SPNS2: variants seen among roughly 807,000 people sequenced by gnomAD.
SPNS2 encodes SPNS lysolipid transporter 2, sphingosine-1-phosphate.
SPNS2 carries 37 observed loss-of-function variants against 57.6 expected under a neutral mutation model. The observed-to-expected ratio is 0.64, with a 90% CI of 0.49 to 0.85. The LOEUF is 0.85. Ranked by LOEUF, SPNS2 falls within the 40% of genes least tolerant of loss-of-function variation. SPNS2 has a pLI of 0.00. For synonymous variants in SPNS2, 440 were observed against 346.9 expected (o/e 1.27, Z -2.98); for missense variants, 831 against 779.1 (o/e 1.07, Z -0.79).
chr17:4,530,851 C>T (rs1041446875), intron 4 of SPNS2, 68 bp downstream of exon 4: 42 of 1,566,022 alleles, frequency 2.7e-5, no homozygotes, highest in Middle Eastern at 3.4e-4. Context: ...TCTGAGTTCT[C>T]CCACTCCCTG....
At chr17:4,521,231 G>A (rs1255622030) in intron 2 of SPNS2, among the ~76,000 whole-genome samples, 1 of 152,132 alleles carries the variant, frequency 6.6e-6, no homozygotes, top group Non-Finnish European at 1.5e-5. Context: ...CTGTCCACTT[G>A]CCACCTAGCA....
intron 8 of SPNS2, 88 bp from the exon 9 acceptor site, chr17:4,533,700 C>A: frequency 6.8e-7 from 1 of 1,479,868 alleles, no homozygotes; most frequent in Non-Finnish European, 9.4e-7. Flanking sequence ...TGTGGGCTCC[C>A]TGCCAGCAGC....
chr17:4,517,466 T>C (rs969575628), intron 2 of SPNS2, among the ~76,000 whole-genome samples: 12 of 152,194 alleles, frequency 7.9e-5, no homozygotes, highest in African/African-American at 2.9e-4. Context: ...GAGACCAGCC[T>C]GAACCAACAT....
At chr17:4,535,314 C>T (rs1444932631) in intron 9 of SPNS2, among the ~76,000 whole-genome samples, 1 of 152,196 alleles carries the variant, frequency 6.6e-6, no homozygotes, top group Non-Finnish European at 1.5e-5. Flanking sequence ...CGAGCGGAGG[C>T]TCTTGCAGGC....
At chr17:4,516,658 T>TA (rs1905004884) in intron 2 of SPNS2, among the ~76,000 whole-genome samples, 1 of 152,214 alleles carries the variant, frequency 6.6e-6, no homozygotes, top group African/African-American at 2.4e-5. Flanking sequence ...AAGGATGAGT[T>TA]AGAGTTTGTA....
chr17:4,505,152 C>A (rs1282726358), intron 1 of SPNS2, among the ~76,000 whole-genome samples: 1 of 152,176 alleles, frequency 6.6e-6, no homozygotes, highest in East Asian at 1.9e-4. Context: ...AGCACCTATC[C>A]CCATGGAGAG....
chr17:4,516,353 C>T (rs80175058), intron 2 of SPNS2, among the ~76,000 whole-genome samples: 8 of 134,262 alleles, frequency 6.0e-5, no homozygotes, highest in South Asian at 2.7e-4. Flanking sequence ...ACAAAAAAAC[C>T]GCTCATAGGT....
intron 1 of SPNS2, among the ~76,000 whole-genome samples, chr17:4,505,921 TGGGG>T (rs1904664662): frequency 6.6e-6 from 1 of 152,184 alleles, no homozygotes; most frequent in African/African-American, 2.4e-5. Context: ...CTGTCAGGCA[TGGGG>T]TTCCTGAATG....
At position 4,536,436 on chromosome 17, in the gene SPNS2, G is replaced by GT. The variant is rs148088156; in HGVS notation, c.1607+10_1607+11insT. 6.3e-7 allele frequency: 1 copy of GT among 1,595,862 alleles called. No homozygotes were observed. The highest frequency in any genetic ancestry group is 1.3e-5 in the African/African-American group (1 of 74,602). On this transcript the variant is annotated intron_variant, in intron 11 of 12. Coordinates refer to ENST00000329078, the MANE Select transcript of SPNS2 (RefSeq NM_001124758.3). ...CCAGGGCTGAGCAGCAGTGAGTGGGGGGGAGGGGAGGCCCTGCTGCACCGC... is the reference window on the plus strand; with the variant it reads ...CCAGGGCTGAGCAGCAGTGAGTGGGGTGGGAGGGGAGGCCCTGCTGCACCGC...
intron 9 of SPNS2, among the ~76,000 whole-genome samples, chr17:4,534,228 C>T (rs980168821): frequency 6.6e-6 from 1 of 152,032 alleles, no homozygotes. Context: ...GCCTGGCTCC[C>T]AGGCGTGCCT....
intron 1 of SPNS2, among the ~76,000 whole-genome samples, chr17:4,501,922 G>A (rs574698673): frequency 6.6e-6 from 1 of 152,270 alleles, no homozygotes; most frequent in Admixed American, 6.5e-5. Context: ...TTTTCATAGT[G>A]TAGACCAGCT....
rs1777424813 is a variant in SPNS2, at chr17:4,533,857, A to G, written c.1344+4A>G. Reference sequence around the variant, plus strand: ...CATCACTGCAGACATCCTCATGGTGAGCCAGGCAGGCCGAGGTCACCTTGT... The same window carrying G: ...CATCACTGCAGACATCCTCATGGTGGGCCAGGCAGGCCGAGGTCACCTTGT... On this transcript the variant is annotated splice_donor_region_variant and intron_variant, in intron 9 of 12. Coordinates refer to ENST00000329078, the MANE Select transcript of SPNS2 (RefSeq NM_001124758.3). The G allele has an allele frequency of 6.2e-7, 1 of 1,601,708 alleles. No homozygotes were observed.
At chr17:4,537,032 A>C (rs1905876891) in intron 12 of SPNS2, 86 bp downstream of exon 12, 5 of 1,429,082 alleles carry the variant, frequency 3.5e-6, no homozygotes, top group African/African-American at 1.4e-5. Context: ...TTTCCTCCAG[A>C]GTCACCTCCT....
intron 9 of SPNS2, chr17:4,534,368 A>G: frequency 5.4e-6 from 1 of 185,830 alleles, no homozygotes; most frequent in Non-Finnish European, 1.1e-5. Context: ...GGATGGGAGC[A>G]CCCTGGGAGG....
chr17:4,516,305 C>G (rs28433411), intron 2 of SPNS2, among the ~76,000 whole-genome samples: 4,876 of 113,934 alleles, frequency 0.043, 110 homozygotes, highest in Middle Eastern at 0.071. Flanking sequence ...CAGAGTGAGA[C>G]TCTATCTCCC....
At chr17:4,536,845 C>A in intron 11 of SPNS2, 55 bp from the exon 12 acceptor site, 2 of 1,476,362 alleles carry the variant, frequency 1.4e-6, no homozygotes, top group Non-Finnish European at 1.9e-6. Flanking sequence ...AGAGCAGTGC[C>A]CGGGCCCGGC....
chr17:4,503,958 G>A (rs1333193980), intron 1 of SPNS2, among the ~76,000 whole-genome samples: 2 of 151,140 alleles, frequency 1.3e-5, no homozygotes, highest in East Asian at 3.9e-4. Flanking sequence ...GGGGGTGCCA[G>A]GCTGGGGCTC....
chr17:4,499,507 C>A lies in SPNS2; in HGVS notation c.370+90C>A. On this transcript the variant is annotated intron_variant, in intron 1 of 12. Transcript: ENST00000329078. This position sits in a 1 kb window ranked among gnomAD's most constrained non-coding sequence, Gnocchi z 5.2. ...GGAGGTACCCCAGAGAGCTTTTGGTCTCAGGCCTGCTATCTCCAGGCCCTA... is the reference window on the plus strand; with the variant it reads ...GGAGGTACCCCAGAGAGCTTTTGGTATCAGGCCTGCTATCTCCAGGCCCTA... The A allele has an allele frequency of 3.4e-6, 3 of 886,526 alleles. No individual in the cohort carries two copies. Among genetic ancestry groups the A allele is most frequent in the South Asian group, 2.5e-5 (1 of 39,736 alleles). The allele number at this position is 886,526 out of a possible 1,614,324, so 54.9% of individuals were successfully genotyped here. A position where few individuals can be genotyped will look rare whatever the true frequency, so the allele number is the denominator to read the frequency against.
chr17:4,508,714 G>A (rs781468155), intron 1 of SPNS2, among the ~76,000 whole-genome samples: 12 of 152,206 alleles, frequency 7.9e-5, no homozygotes, highest in African/African-American at 2.2e-4. Context: ...GTAGAACAGC[G>A]CCTGGCACAA....
Sources: gnomAD v4.1 joint callset for allele counts (sites outside exome capture counted in the v4.1 genomes callset) on GRCh38, gnomAD v4.1.1 for gene constraint, Gnocchi (gnomAD v3.1) non-coding constraint, MANE v1.5 for transcripts, NCBI Gene and HGNC (gene_info 2026-07-23, HGNC 2026-07-21) for gene names.